Variants in ZCCHC10 observed in about 807,000 individuals in gnomAD.
ZCCHC10 encodes zinc finger CCHC domain-containing protein 10.
ZCCHC10 carries 16 observed loss-of-function variants against 19.5 expected under a neutral mutation model. That is an observed-to-expected ratio of 0.82 (90% CI 0.56 to 1.25). The LOEUF is 1.25. Ranked by LOEUF, ZCCHC10 falls within the 50% of genes most tolerant of loss-of-function variation. The pLI, the probability that ZCCHC10 is intolerant of heterozygous loss-of-function variation, is 0.00. For synonymous variants in ZCCHC10, 67 were observed against 72.5 expected (o/e 0.92, Z 0.38); for missense variants, 197 against 201.0 (o/e 0.98, Z 0.12).
intron 2 of ZCCHC10, among the ~76,000 whole-genome samples, chr5:133,013,735 A>G (rs1451473488): frequency 6.6e-6 from 1 of 152,040 alleles, no homozygotes; most frequent in Non-Finnish European, 1.5e-5. Flanking sequence ...CAATATATAT[A>G]TATGTAGGAA....
At chr5:133,005,348 C>G (rs1374394738) in intron 3 of ZCCHC10, among the ~76,000 whole-genome samples, 1 of 152,016 alleles carries the variant, frequency 6.6e-6, no homozygotes, top group Non-Finnish European at 1.5e-5. Flanking sequence ...CATGGTGGCT[C>G]ATGCCTATAA....
chr5:133,013,233 G>A (rs1763685495), intron 2 of ZCCHC10, among the ~76,000 whole-genome samples: 1 of 147,336 alleles, frequency 6.8e-6, no homozygotes, highest in African/African-American at 2.5e-5. Flanking sequence ...ACTCCAGCCT[G>A]GGCGACAGAG....
intron 3 of ZCCHC10, 36 bp from the exon 4 acceptor site, chr5:133,000,209 TAG>T: frequency 6.2e-7 from 1 of 1,612,800 alleles, no homozygotes; most frequent in Non-Finnish European, 8.5e-7. Context: ...CTCCTGTTAA[TAG>T]AGTGATTATA....
At chr5:133,024,319 AG>A (rs1182954902) in intron 1 of ZCCHC10, among the ~76,000 whole-genome samples, 2 of 152,164 alleles carry the variant, frequency 1.3e-5, no homozygotes, top group Non-Finnish European at 2.9e-5. Flanking sequence ...TTGTACTGAA[AG>A]GAGAATAAGA....
At chr5:133,023,116 T>TA (rs1427233128) in intron 1 of ZCCHC10, among the ~76,000 whole-genome samples, 3 of 152,170 alleles carry the variant, frequency 2.0e-5, no homozygotes, top group African/African-American at 7.2e-5. Context: ...CAGCTCAACA[T>TA]AAACTTTTAG....
intron 2 of ZCCHC10, among the ~76,000 whole-genome samples, chr5:133,009,763 A>G (rs1466287876): frequency 1.3e-5 from 2 of 152,126 alleles, no homozygotes; most frequent in African/African-American, 4.8e-5. Flanking sequence ...ACTCTGTGTC[A>G]GAGTTAAGAC....
chr5:133,018,665 C>T (rs1168620483), intron 2 of ZCCHC10, among the ~76,000 whole-genome samples: 1 of 152,188 alleles, frequency 6.6e-6, no homozygotes, highest in African/African-American at 2.4e-5. Context: ...ACCTTGGCCT[C>T]CCAAAGTGCT....
intron 2 of ZCCHC10, among the ~76,000 whole-genome samples, chr5:133,008,736 G>A (rs887603489): frequency 1.3e-5 from 2 of 151,846 alleles, no homozygotes; most frequent in Non-Finnish European, 2.9e-5. Context: ...CCAGGGCCAG[G>A]CCTGGTGGTT....
At chr5:133,025,713 T>A (rs763488425) in intron 1 of ZCCHC10, among the ~76,000 whole-genome samples, 6 of 152,096 alleles carry the variant, frequency 3.9e-5, no homozygotes, top group Non-Finnish European at 7.4e-5. Context: ...TGACTGTTCC[T>A]TTTTCATCCT....
Position 132,998,546 on chromosome 5 carries a change from G to A in ZCCHC10, c.*37C>T, listed in dbSNP as rs1341535823. 1 of 1,572,672 alleles carries A rather than the reference G, an allele frequency of 6.4e-7. No homozygotes were observed. Among genetic ancestry groups the A allele is most frequent in the African/African-American group, 1.3e-5 (1 of 74,136 alleles). On this transcript the variant is annotated 3_prime_UTR_variant, in exon 5 of 5. Transcript: ENST00000509437. ...ATTCCCTTTCAAGAATCACATCAAT[G>A]TTTTCAGTCCATCAGTCCAATATGA...
At chr5:133,015,086 T>G (rs528272852) in intron 2 of ZCCHC10, among the ~76,000 whole-genome samples, 2 of 150,834 alleles carry the variant, frequency 1.3e-5, no homozygotes, top group South Asian at 2.1e-4. Context: ...GGTTTTTTTT[T>G]TTTTTTTTTT....
intron 1 of ZCCHC10, among the ~76,000 whole-genome samples, chr5:133,025,503 C>CAAAAAAAA (rs74843776): frequency 2.1e-3 from 39 of 18,676 alleles, no homozygotes; most frequent in African/African-American, 5.3e-3. Context: ...GACTCCGCCT[C>CAAAAAAAA]AAAAAAAAAA....
At chr5:133,000,972 T>G (rs984705322) in intron 3 of ZCCHC10, among the ~76,000 whole-genome samples, 1 of 152,004 alleles carries the variant, frequency 6.6e-6, no homozygotes, top group African/African-American at 2.4e-5. Flanking sequence ...ACCAGAAATG[T>G]AATACTTCAA....
chr5:133,010,443 T>C (rs1306969230), intron 2 of ZCCHC10, among the ~76,000 whole-genome samples: 1 of 152,078 alleles, frequency 6.6e-6, no homozygotes, highest in Non-Finnish European at 1.5e-5. Context: ...TAGGTACTCA[T>C]ATAACATGAG....
At chr5:133,001,818 G>A (rs1762791244) in intron 3 of ZCCHC10, among the ~76,000 whole-genome samples, 1 of 151,954 alleles carries the variant, frequency 6.6e-6, no homozygotes, top group Non-Finnish European at 1.5e-5. Context: ...ATTGTTTCCT[G>A]AGTCTCCAAA....
chr5:133,018,760 G>A (rs936919753), intron 2 of ZCCHC10, among the ~76,000 whole-genome samples: 1 of 152,126 alleles, frequency 6.6e-6, no homozygotes, highest in African/African-American at 2.4e-5. Flanking sequence ...AGTTTCCTAT[G>A]ACTTAAAGAT....
At chr5:133,003,323 T>C (rs973762453) in intron 3 of ZCCHC10, 3 of 430,366 alleles carry the variant, frequency 7.0e-6, no homozygotes, top group Non-Finnish European at 1.4e-5. Context: ...ACTCAGTGAA[T>C]GTGGATTACA....
intron 2 of ZCCHC10, among the ~76,000 whole-genome samples, chr5:133,012,791 C>T (rs1763641371): frequency 6.6e-6 from 1 of 152,072 alleles, no homozygotes; most frequent in African/African-American, 2.4e-5. Context: ...TGGCTCACGC[C>T]TGTAATCCCA....
intron 2 of ZCCHC10, among the ~76,000 whole-genome samples, chr5:133,007,477 A>G (rs1371150460): frequency 6.6e-6 from 1 of 151,578 alleles, no homozygotes; most frequent in African/African-American, 2.4e-5. Context: ...CGGGAGGCAG[A>G]GCTTGCAGTG....
Sources: gnomAD v4.1 joint callset for allele counts (sites outside exome capture counted in the v4.1 genomes callset) on GRCh38, gnomAD v4.1.1 for gene constraint, MANE v1.5 for transcripts, NCBI Gene and HGNC (gene_info 2026-07-23, HGNC 2026-07-21) for gene names.